The following TRPC5 variants were observed in gnomAD, a reference collection of about 807,000 sequenced individuals.
The protein encoded by TRPC5 is short transient receptor potential channel 5.
Under a neutral mutation model 56.5 loss-of-function variants are expected in TRPC5, and 9 were observed. The observed-to-expected ratio is 0.16, with a 90% CI of 0.10 to 0.28. The LOEUF (loss-of-function observed/expected upper bound fraction) is 0.28. TRPC5 is among the 10% of genes least tolerant of loss of function. The pLI, the probability that TRPC5 is intolerant of heterozygous loss-of-function variation, is 1.00. For missense variants in TRPC5, 469 were observed against 748.9 expected, an observed-to-expected ratio of 0.63 and a Z score of 4.36; for synonymous variants, 282 against 278.5, an observed-to-expected ratio of 1.01 and a Z score of -0.13.
chrX:111,864,087 C>T (rs999828191), intron 3 of TRPC5, among the ~76,000 whole-genome samples: 3 of 110,967 alleles, frequency 2.7e-5, no homozygotes, highest in South Asian at 3.9e-4. Context: ...CCCAGGTTCA[C>T]GCCATTCTCC....
intron 7 of TRPC5, among the ~76,000 whole-genome samples, chrX:111,819,271 AAGC>A (rs1170999026): frequency 9.0e-6 from 1 of 111,662 alleles, no homozygotes; most frequent in African/African-American, 3.3e-5. Flanking sequence ...CTGCAGAAAA[AAGC>A]AGCTTTTTCT....
At chrX:111,941,609 G>GC (rs1371801297) in intron 2 of TRPC5, among the ~76,000 whole-genome samples, 1 of 112,118 alleles carries the variant, frequency 8.9e-6, no homozygotes, top group African/African-American at 3.2e-5. Flanking sequence ...CACTGCATAG[G>GC]CTTGGGTGTC....
At chrX:112,034,354 C>G (rs1357513461) in intron 1 of TRPC5, among the ~76,000 whole-genome samples, 3 of 105,285 alleles carry the variant, frequency 2.8e-5, no homozygotes, top group Non-Finnish European at 2.0e-5. Flanking sequence ...ACACTTGCAC[C>G]TCTTTTGTTA....
intron 2 of TRPC5, among the ~76,000 whole-genome samples, chrX:111,913,662 G>T (rs141034920): frequency 2.7e-5 from 3 of 111,349 alleles, no homozygotes; most frequent in Non-Finnish European, 3.8e-5. Flanking sequence ...AAAATCTTTC[G>T]ACTTTAAAAT....
At chrX:111,800,273 T>A (rs1921261490) in intron 7 of TRPC5, among the ~76,000 whole-genome samples, 1 of 111,743 alleles carries the variant, frequency 8.9e-6, no homozygotes, top group Admixed American at 9.5e-5. Flanking sequence ...TCACTTCCAC[T>A]TAATGAATAA....
At chrX:112,076,994 C>T (rs1930850617) in intron 1 of TRPC5, among the ~76,000 whole-genome samples, 1 of 112,085 alleles carries the variant, frequency 8.9e-6, no homozygotes, top group South Asian at 3.7e-4. Context: ...AATTATTAGC[C>T]AAATCGTATG....
chrX:111,795,063 C>T (rs1415403484), intron 7 of TRPC5, among the ~76,000 whole-genome samples: 1 of 111,252 alleles, frequency 9.0e-6, no homozygotes, highest in Non-Finnish European at 1.9e-5. Flanking sequence ...GGGGTCTCTT[C>T]ATATAAGATC....
At chrX:111,998,906 C>A (rs943785103) in intron 1 of TRPC5, among the ~76,000 whole-genome samples, 1 of 111,100 alleles carries the variant, frequency 9.0e-6, no homozygotes, top group African/African-American at 3.3e-5. Context: ...CCTGACAGTG[C>A]TATTGAACAC....
chrX:111,780,929 TAA>T (rs1231931151), intron 9 of TRPC5, among the ~76,000 whole-genome samples: 1 of 111,688 alleles, frequency 9.0e-6, no homozygotes, highest in Admixed American at 9.6e-5. Context: ...GACAGCTTTC[TAA>T]GTCATAGTTG....
intron 6 of TRPC5, among the ~76,000 whole-genome samples, chrX:111,837,471 G>A (rs943690444): frequency 4.5e-5 from 5 of 111,873 alleles, no homozygotes; most frequent in African/African-American, 1.6e-4. Context: ...AGCAGCTGCA[G>A]TGAGTAGGAA....
chrX:112,068,984 G>A (rs981698042), intron 1 of TRPC5, among the ~76,000 whole-genome samples: 2 of 111,692 alleles, frequency 1.8e-5, no homozygotes, highest in Non-Finnish European at 3.8e-5. Context: ...ACTTGCCCAA[G>A]GTCTTATGAC....
At chrX:111,947,885 G>C (rs1454890441) in intron 2 of TRPC5, among the ~76,000 whole-genome samples, 2 of 112,127 alleles carry the variant, frequency 1.8e-5, no homozygotes, top group Admixed American at 9.5e-5. Context: ...GGTGGAGGGG[G>C]ATTCAGGCCC....
chrX:112,055,635 G>A lies in TRPC5; in HGVS notation c.-22+26244C>T, dbSNP rs1358771875. 5.9e-4 allele frequency among the ~76,000 whole-genome samples: 64 copies of A among 108,618 alleles called. 1 individual carries two copies. In the Admixed American group the frequency reaches 6.2e-3, roughly 11 times the overall value. The allele number at this position is 108,618 out of a possible 115,157, so 94.3% of individuals were successfully genotyped here. A position where few individuals can be genotyped will look rare whatever the true frequency, so the allele number is the denominator to read the frequency against. The stretch of plus-strand genomic sequence containing the variant: ...TTATTATATATTATTTTTAAATATG[G>A]TTAATTTCATCCTTATTACATACTT... On this transcript the variant is annotated intron_variant, in intron 1 of 10. Coordinates refer to ENST00000262839, the MANE Select transcript of TRPC5 (RefSeq NM_012471.3).
At chrX:111,997,566 A>G (rs184178513) in intron 1 of TRPC5, among the ~76,000 whole-genome samples, 98 of 111,210 alleles carry the variant, frequency 8.8e-4, no homozygotes, top group African/African-American at 3.1e-3. Context: ...GTTCTCCTGG[A>G]TAATATCCTG....
In TRPC5 at chrX:111,773,821, G is replaced by A. The variant is rs1007259157; in HGVS notation, c.*2492C>T. ...GCTTATAACTCCTCTGGGGTCAGAG[G>A]ATATACCTAAGCATTTTCACTTGAA... On this transcript the variant is annotated 3_prime_UTR_variant, in exon 11 of 11. Coordinates refer to ENST00000262839, the MANE Select transcript of TRPC5 (RefSeq NM_012471.3). Among the ~76,000 whole-genome samples, 10 of 111,224 alleles carry A rather than the reference G, an allele frequency of 9.0e-5. No individual in the cohort carries two copies. Among genetic ancestry groups the A allele is most frequent in the African/African-American group, 2.9e-4 (9 of 30,585 alleles).
intron 10 of TRPC5, among the ~76,000 whole-genome samples, 168 bp from the exon 11 acceptor site, chrX:111,777,170 T>C (rs1388527475): frequency 9.0e-6 from 1 of 111,578 alleles, no homozygotes; most frequent in Non-Finnish European, 1.9e-5. Flanking sequence ...AATAATTCCA[T>C]GGGCAGGGCT....
At chrX:111,923,865 G>T (rs1451837064) in intron 2 of TRPC5, among the ~76,000 whole-genome samples, 1 of 112,252 alleles carries the variant, frequency 8.9e-6, no homozygotes, top group Admixed American at 9.4e-5. Context: ...CACAGAGGAA[G>T]GAAGCCGTAC....
intron 1 of TRPC5, among the ~76,000 whole-genome samples, chrX:112,017,025 G>GT (rs1929145084): frequency 9.0e-6 from 1 of 111,246 alleles, no homozygotes; most frequent in South Asian, 3.8e-4. Context: ...TTATTTATTT[G>GT]TTTTTTTGAG....
rs764298840 is a variant in TRPC5, at chrX:112,066,984, C to T, written c.-22+14895G>A. Among the ~76,000 whole-genome samples the T allele has an allele frequency of 4.5e-5, 5 of 112,257 alleles. No homozygotes were observed. In the South Asian group the frequency reaches 1.9e-3, roughly 42 times the overall value. ...CTTTCAGGGTAATTATACAGCCCGG[C>T]ATCTTACCACCCTCTCAACTAACTT... On this transcript the variant is annotated intron_variant, in intron 1 of 10. Transcript: ENST00000262839.
Sources: allele counts gnomAD v4.1 joint callset (sites outside exome capture counted in the v4.1 genomes callset), GRCh38; gene constraint gnomAD v4.1.1; transcripts MANE v1.5; gene names NCBI Gene and HGNC (gene_info 2026-07-23, HGNC 2026-07-21).